MBOAT1: variants seen among roughly 807,000 people sequenced by gnomAD.
The protein encoded by MBOAT1 is membrane-bound glycerophospholipid O-acyltransferase 1.
A neutral mutation model predicts 64.4 loss-of-function variants in MBOAT1; 67 were observed. That is an observed-to-expected ratio of 1.04 (90% CI 0.85 to 1.27). MBOAT1 has a LOEUF of 1.27. Ranked by LOEUF, MBOAT1 falls within the 50% of genes most tolerant of loss-of-function variation. MBOAT1 has a pLI of 0.00. For missense variants in MBOAT1, 563 were observed against 604.6 expected, an observed-to-expected ratio of 0.93 and a Z score of 0.72; for synonymous variants, 229 against 218.9, an observed-to-expected ratio of 1.05 and a Z score of -0.41.
chr6:20,191,293 C>T (rs1762793555), intron 1 of MBOAT1, among the ~76,000 whole-genome samples: 1 of 152,228 alleles, frequency 6.6e-6, no homozygotes, highest in Non-Finnish European at 1.5e-5. Flanking sequence ...TGCTCTTGAA[C>T]TTCCCAGCCT....
intron 1 of MBOAT1, among the ~76,000 whole-genome samples, chr6:20,153,601 C>A (rs574440685): frequency 1.3e-5 from 2 of 152,332 alleles, no homozygotes; most frequent in African/African-American, 2.4e-5. Context: ...GGACTTACAA[C>A]AATGTCTCAT....
chr6:20,117,568 T>C (rs1438094635), intron 9 of MBOAT1, among the ~76,000 whole-genome samples: 1 of 152,234 alleles, frequency 6.6e-6, no homozygotes, highest in Non-Finnish European at 1.5e-5. Context: ...GCTTCCCCCA[T>C]GCCTCCTTCT....
At chr6:20,174,392 A>T (rs565820380) in intron 1 of MBOAT1, among the ~76,000 whole-genome samples, 1 of 152,258 alleles carries the variant, frequency 6.6e-6, no homozygotes, top group Non-Finnish European at 1.5e-5. Flanking sequence ...TGCAGGTTAC[A>T]CATCTGTACA....
At chr6:20,142,676 C>G (rs980488728) in intron 4 of MBOAT1, among the ~76,000 whole-genome samples, 17 of 152,236 alleles carry the variant, frequency 1.1e-4, no homozygotes, top group Non-Finnish European at 2.1e-4. Flanking sequence ...TCTCAAACTC[C>G]TGACCTCAAG....
intron 2 of MBOAT1, among the ~76,000 whole-genome samples, chr6:20,152,326 C>CAA (rs60553927): frequency 4.1e-5 from 4 of 97,090 alleles, no homozygotes; most frequent in Non-Finnish European, 8.3e-5. Flanking sequence ...GACTCCGTCT[C>CAA]AAAAAAAAAA....
chr6:20,198,959 G>A (rs1476493676), intron 1 of MBOAT1, among the ~76,000 whole-genome samples: 2 of 152,214 alleles, frequency 1.3e-5, no homozygotes, highest in Non-Finnish European at 2.9e-5. Context: ...ACAAGTGGAG[G>A]TGTAAACAGA....
At chr6:20,110,173 T>C (rs1308621429) in intron 11 of MBOAT1, among the ~76,000 whole-genome samples, 2 of 151,500 alleles carry the variant, frequency 1.3e-5, no homozygotes, top group Admixed American at 6.6e-5. Flanking sequence ...CCGCCCAAAG[T>C]GCTGGGATTA....
At chr6:20,162,504 C>T (rs1761893207) in intron 1 of MBOAT1, among the ~76,000 whole-genome samples, 1 of 152,204 alleles carries the variant, frequency 6.6e-6, no homozygotes, top group African/African-American at 2.4e-5. Flanking sequence ...ATCCTTTGAC[C>T]TTTGTTTAAA....
intron 4 of MBOAT1, among the ~76,000 whole-genome samples, chr6:20,140,661 C>T (rs552868937): frequency 3.4e-4 from 52 of 152,324 alleles, no homozygotes; most frequent in African/African-American, 1.3e-3. Context: ...GTTCTCAGGC[C>T]TTCAGCCTCA....
chr6:20,131,613 G>A (rs1050456585), intron 4 of MBOAT1, among the ~76,000 whole-genome samples: 13 of 152,124 alleles, frequency 8.5e-5, no homozygotes, highest in African/African-American at 2.7e-4. Context: ...GCATGAGAAC[G>A]GACTAATACA....
chr6:20,108,504 T>C (rs1760025020), intron 12 of MBOAT1, among the ~76,000 whole-genome samples: 1 of 152,180 alleles, frequency 6.6e-6, no homozygotes, highest in South Asian at 2.1e-4. Context: ...AACCTTCTCT[T>C]TCTATAGCCT....
rs199830796 is a variant in MBOAT1 at position 20,112,967 on chromosome 6, G to T, written c.1118C>A (p.Thr373Asn). The T allele has an allele frequency of 1.2e-6, 2 of 1,614,134 alleles. No homozygotes were observed. Among genetic ancestry groups the T allele is most frequent in the Admixed American group, 3.3e-5 (2 of 60,022 alleles). ...ATGCCACAAAGCAGACAGGATGAAGGTTAGCACCGTGGGGTACCATGGAAC... is the reference window on the plus strand; with the variant it reads ...ATGCCACAAAGCAGACAGGATGAAGTTTAGCACCGTGGGGTACCATGGAAC... ...QRVPWYPTVL[T>N]FILSALWHGV... Residue 373 changes from threonine (T) to asparagine (N), a missense_variant, in exon 11 of 13, where the codon ACC (threonine) becomes AAC (asparagine). By Grantham distance (65) the Thr-to-Asn change is moderately conservative. Transcript: ENST00000324607.
chr6:20,152,326 CA>C (rs60553927), intron 2 of MBOAT1, among the ~76,000 whole-genome samples: 23,370 of 95,034 alleles, frequency 0.25, 2,208 homozygotes, highest in East Asian at 0.39. Flanking sequence ...GACTCCGTCT[CA>C]AAAAAAAAAA....
intron 1 of MBOAT1, among the ~76,000 whole-genome samples, chr6:20,196,711 A>G (rs1238379524): frequency 6.6e-6 from 1 of 151,980 alleles, no homozygotes; most frequent in African/African-American, 2.4e-5. Context: ...AAACACAAAA[A>G]TTAGCTGGGC....
chr6:20,135,612 C>A (rs1372711726), intron 4 of MBOAT1, among the ~76,000 whole-genome samples: 2 of 152,156 alleles, frequency 1.3e-5, no homozygotes, highest in African/African-American at 4.8e-5. Context: ...AATGAGATAA[C>A]CCAGACATCG....
chr6:20,211,535 C>G (rs1430036756), intron 1 of MBOAT1, among the ~76,000 whole-genome samples: 1 of 152,116 alleles, frequency 6.6e-6, no homozygotes, highest in Non-Finnish European at 1.5e-5. Flanking sequence ...TGGGGCCCCT[C>G]TCCTCCCCCT....
At position 20,165,742 on chromosome 6, in the gene MBOAT1, C is replaced by CA. The variant is rs11309966; in HGVS notation, c.100-12974dup. Among the ~76,000 whole-genome samples, 405 of 137,484 alleles carry CA rather than the reference C, an allele frequency of 2.9e-3. 2 individuals carry two copies. Among genetic ancestry groups the CA allele is most frequent in the Admixed American group, 3.4e-3 (47 of 13,770 alleles). The allele number at this position is 137,484 out of a possible 152,430, so 90.2% of individuals were successfully genotyped here. A position where few individuals can be genotyped will look rare whatever the true frequency, so the allele number is the denominator to read the frequency against. On this transcript the variant is annotated intron_variant, in intron 1 of 12. Transcript: ENST00000324607. Reference sequence around the variant, plus strand: ...TGAGCAACAGAGCAAGACTCTGTTTCAAAAAAAAAAAAAAAGAATAGGGAA... The same window carrying CA: ...TGAGCAACAGAGCAAGACTCTGTTTCAAAAAAAAAAAAAAAAGAATAGGGAA...
chr6:20,169,451 G>T (rs907067870), intron 1 of MBOAT1, among the ~76,000 whole-genome samples: 1 of 152,142 alleles, frequency 6.6e-6, no homozygotes, highest in Non-Finnish European at 1.5e-5. Flanking sequence ...TGCAATGTGG[G>T]ACTGACGAAA....
At chr6:20,123,894 A>G (rs1760569944) in intron 8 of MBOAT1, among the ~76,000 whole-genome samples, 1 of 150,160 alleles carries the variant, frequency 6.7e-6, no homozygotes, top group South Asian at 2.2e-4. Context: ...ATCTCTACTA[A>G]AAATACAAAA....
Sources: allele counts gnomAD v4.1 joint callset (sites outside exome capture counted in the v4.1 genomes callset), GRCh38; gene constraint gnomAD v4.1.1; transcripts MANE v1.5; gene names NCBI Gene and HGNC (gene_info 2026-07-23, HGNC 2026-07-21).